The following PTK2 variants were observed in gnomAD, a reference collection of about 807,000 sequenced individuals.
PTK2 encodes focal adhesion kinase 1.
PTK2 carries 45 observed loss-of-function variants against 150.1 expected under a neutral mutation model. That is an observed-to-expected ratio of 0.30 (90% CI 0.24 to 0.38). PTK2 has a LOEUF of 0.38. Among genes scored for constraint, PTK2 ranks in the 10% least tolerant of loss-of-function variants. PTK2 has a pLI of 1.00. For missense variants in PTK2, 919 were observed against 1,307.3 expected (o/e 0.70, Z 4.58); for synonymous variants, 432 against 449.2 (o/e 0.96, Z 0.48).
intron 13 of PTK2, among the ~76,000 whole-genome samples, chr8:140,793,135 C>T (rs1373406939): frequency 6.6e-6 from 1 of 152,110 alleles, no homozygotes; most frequent in East Asian, 1.9e-4. Context: ...TATTCTTTAG[C>T]TCCCCCATAG....
intron 22 of PTK2, among the ~76,000 whole-genome samples, chr8:140,731,586 C>G (rs1405797362): frequency 6.6e-6 from 1 of 152,120 alleles, no homozygotes; most frequent in Non-Finnish European, 1.5e-5. Flanking sequence ...CACTTCTCAA[C>G]TAATATAGTC....
At chr8:140,773,603 A>G (rs2100076795) in intron 14 of PTK2, among the ~76,000 whole-genome samples, 1 of 152,106 alleles carries the variant, frequency 6.6e-6, no homozygotes, top group African/African-American at 2.4e-5. Flanking sequence ...ACACGTGCTG[A>G]GGAGCAGCAG....
chr8:140,786,297 C>T (rs1304883630), intron 14 of PTK2, among the ~76,000 whole-genome samples: 1 of 152,202 alleles, frequency 6.6e-6, no homozygotes, highest in Non-Finnish European at 1.5e-5. Context: ...TGTGGAGAAG[C>T]ACATGCAGAA....
At chr8:140,707,174 C>A (rs2100034286) in intron 23 of PTK2, among the ~76,000 whole-genome samples, 1 of 151,928 alleles carries the variant, frequency 6.6e-6, no homozygotes, top group African/African-American at 2.4e-5. Context: ...TAAGTGGTTG[C>A]CAGGGGTTGG....
chr8:140,694,346 A>T (rs2100025161), intron 26 of PTK2, among the ~76,000 whole-genome samples: 2 of 152,052 alleles, frequency 1.3e-5, no homozygotes, highest in African/African-American at 4.8e-5. Flanking sequence ...CGGCCTGGTA[A>T]GCATCTTTAG....
chr8:140,941,700 T>C (rs772222984), intron 1 of PTK2, among the ~76,000 whole-genome samples: 17 of 152,088 alleles, frequency 1.1e-4, no homozygotes, highest in Non-Finnish European at 2.1e-4. Flanking sequence ...AAAGTAGTAA[T>C]GAGCAACTCT....
chr8:140,829,698 T>G (rs1474429603), intron 8 of PTK2, among the ~76,000 whole-genome samples: 1 of 152,176 alleles, frequency 6.6e-6, no homozygotes, highest in Non-Finnish European at 1.5e-5. Flanking sequence ...TGTTGCTATG[T>G]GACAGGTACT....
chr8:140,982,113 T>C (rs1466245078), intron 1 of PTK2, among the ~76,000 whole-genome samples: 2 of 149,844 alleles, frequency 1.3e-5, no homozygotes, highest in Admixed American at 1.3e-4. Flanking sequence ...CATGTACTGC[T>C]ATCAGGAACA....
chr8:140,733,753 GAAGGCCTATCGTGTGA>G (rs2100050918), intron 22 of PTK2, among the ~76,000 whole-genome samples: 1 of 152,206 alleles, frequency 6.6e-6, no homozygotes, highest in South Asian at 2.1e-4. Flanking sequence ...GAATTACCCT[GAAGGCCTATCGTGTGA>G]AAGGCAGAGT....
Position 140,952,211 on chromosome 8 carries a change from G to A in PTK2, c.-121-26462C>T, listed in dbSNP as rs553868451. On this transcript the variant is annotated intron_variant, in intron 1 of 31. Coordinates refer to ENST00000522684, the Ensembl canonical transcript of PTK2. ...AGCATTTAGTGCAAGTTAACTGCGG[G>A]TTAAGCAGAGATGAAATAACAAAAC... Among the ~76,000 whole-genome samples the A allele has an allele frequency of 6.7e-4, 102 of 152,306 alleles. 1 individual carries two copies. The Middle Eastern group carries it at 0.014, about 20-fold the overall frequency.
intron 4 of PTK2, among the ~76,000 whole-genome samples, chr8:140,876,528 CTA>C (rs1001046376): frequency 6.6e-5 from 2 of 30,264 alleles, no homozygotes; most frequent in Non-Finnish European, 6.4e-4. Context: ...TTTATTGACT[CTA>C]TTTGGGATTT....
intron 2 of PTK2, among the ~76,000 whole-genome samples, chr8:140,904,971 G>GT (rs2100160271): frequency 6.6e-6 from 1 of 152,014 alleles, no homozygotes; most frequent in African/African-American, 2.4e-5. Flanking sequence ...ATTTTTGAAA[G>GT]TTTTTTTGTA....
chr8:140,786,783 G>A (rs2100085224), intron 14 of PTK2, among the ~76,000 whole-genome samples: 1 of 152,078 alleles, frequency 6.6e-6, no homozygotes. Context: ...CTTATTCTTT[G>A]CTTGGATTTG....
chr8:140,839,524 A>G (rs922443184), intron 7 of PTK2, among the ~76,000 whole-genome samples: 12 of 152,254 alleles, frequency 7.9e-5, no homozygotes, highest in African/African-American at 2.7e-4. Flanking sequence ...ACCAGAGGTT[A>G]CCAAGCATGA....
chr8:140,992,694 G>A (rs1210613965), intron 1 of PTK2, among the ~76,000 whole-genome samples: 2 of 152,188 alleles, frequency 1.3e-5, no homozygotes, highest in African/African-American at 4.8e-5. Flanking sequence ...GCAAGACTAT[G>A]GTGGAATTCA....
chr8:140,930,798 G>A (rs1039205456), intron 1 of PTK2, among the ~76,000 whole-genome samples: 3 of 152,166 alleles, frequency 2.0e-5, no homozygotes, highest in Non-Finnish European at 4.4e-5. Flanking sequence ...TACAGGCCAG[G>A]AGCAGTGACT....
At chr8:140,820,765 C>A (rs2100108054) in intron 8 of PTK2, 1 of 152,218 alleles carries the variant, frequency 6.6e-6, no homozygotes, top group African/African-American at 2.4e-5. Context: ...CCAAGTGGAG[C>A]TGTCAAGCAG....
At chr8:140,760,761 G>C (rs1403220428) in intron 16 of PTK2, among the ~76,000 whole-genome samples, 1 of 152,176 alleles carries the variant, frequency 6.6e-6, no homozygotes, top group Non-Finnish European at 1.5e-5. Context: ...TATTATTAAA[G>C]CAATCATTTT....
At position 140,687,425 on chromosome 8, in the gene PTK2, C is replaced by G. The variant is rs1344827642; in HGVS notation, c.2500-731G>C. Among the ~76,000 whole-genome samples the G allele has an allele frequency of 3.3e-5, 5 of 152,176 alleles. No individual in the cohort carries two copies. The East Asian group carries it at 9.6e-4, about 29-fold the overall frequency. On this transcript the variant is annotated intron_variant, in intron 26 of 31. Transcript: ENST00000522684. The stretch of plus-strand genomic sequence containing the variant: ...GACACCCTTTCTTGGCAGCATATTT[C>G]CCTCTTCAAGCAGAGCTGGTCGCTT...
Sources: gnomAD v4.1 joint callset for allele counts (sites outside exome capture counted in the v4.1 genomes callset) on GRCh38, gnomAD v4.1.1 for gene constraint, MANE v1.5 for transcripts, NCBI Gene and HGNC (gene_info 2026-07-23, HGNC 2026-07-21) for gene names.